UCMA: variants seen among roughly 807,000 people sequenced by gnomAD.
The protein encoded by UCMA is upper zone of growth plate and cartilage matrix associated.
Under a neutral mutation model 21.8 loss-of-function variants are expected in UCMA, and 21 were observed. The observed-to-expected ratio is 0.97, with a 90% CI of 0.68 to 1.39. The LOEUF (loss-of-function observed/expected upper bound fraction) is 1.39, where lower values mean the gene tolerates loss of function less well. Among genes scored for constraint, UCMA ranks in the 40% most tolerant of loss-of-function variants. UCMA has a pLI of 0.00. For synonymous variants in UCMA, 76 were observed against 67.9 expected, an observed-to-expected ratio of 1.12 and a Z score of -0.58; for missense variants, 193 against 178.9, an observed-to-expected ratio of 1.08 and a Z score of -0.45.
At chr10:13,227,907 C>G (rs1314902695) in intron 4 of UCMA, among the ~76,000 whole-genome samples, 2 of 151,858 alleles carry the variant, frequency 1.3e-5, no homozygotes, top group African/African-American at 2.4e-5. Flanking sequence ...AAAGACAGAG[C>G]ATCCTCTACC....
intron 4 of UCMA, among the ~76,000 whole-genome samples, chr10:13,224,953 G>C (rs1397042872): frequency 6.6e-6 from 1 of 152,206 alleles, no homozygotes; most frequent in Non-Finnish European, 1.5e-5. Flanking sequence ...AGCTTTGTGT[G>C]TTCATCTTCA....
chr10:13,226,857 G>T (rs1191247821), intron 4 of UCMA, among the ~76,000 whole-genome samples: 1 of 152,132 alleles, frequency 6.6e-6, no homozygotes, highest in Non-Finnish European at 1.5e-5. Context: ...CCTGCATCCT[G>T]AATTCATCAA....
At chr10:13,229,513 G>GAAA in intron 4 of UCMA, 98 bp downstream of exon 4, 55 of 930,572 alleles carry the variant, frequency 5.9e-5, no homozygotes, top group South Asian at 7.1e-5. Context: ...CTCAAAAAAA[G>GAAA]AAAAAAAAAA....
chr10:13,233,049 C>T (rs1423833530), intron 3 of UCMA, among the ~76,000 whole-genome samples: 1 of 152,176 alleles, frequency 6.6e-6, no homozygotes, highest in African/African-American at 2.4e-5. Context: ...AGCAGCACAG[C>T]TGTCCCCAGA....
At chr10:13,223,640 G>A (rs140431757) in intron 4 of UCMA, among the ~76,000 whole-genome samples, 9,058 of 152,054 alleles carry the variant, frequency 0.06, 354 homozygotes, top group African/African-American at 0.11. Context: ...TGTAACCTCC[G>A]CCTCCCAGGT....
At chr10:13,226,198 ATTTT>A (rs35217195) in intron 4 of UCMA, among the ~76,000 whole-genome samples, 1 of 140,574 alleles carries the variant, frequency 7.1e-6, no homozygotes, top group Non-Finnish European at 1.5e-5. Flanking sequence ...TTTGTTGTGG[ATTTT>A]TTTTTTTTTT....
Position 13,222,155 on chromosome 10 carries a change from C to A in UCMA, c.365G>T (p.Trp122Leu), listed in dbSNP as rs1192895136. The change falls in exon 5 of 5, where the codon TGG becomes TTG. Residue 122 changes from tryptophan to leucine, a missense_variant. Trp to Leu is a moderately conservative substitution (Grantham distance 61). Transcript: ENST00000378681. ...GGATGGGTGCAGGCCGTCATAGTGCCACTGGCGCCACTGCTCCACAGCCTC... is the reference window on the plus strand; with the variant it reads ...GGATGGGTGCAGGCCGTCATAGTGCAACTGGCGCCACTGCTCCACAGCCTC... ...SREAVEQWRQ[W>L]HYDGLHPSYL... The A allele has an allele frequency of 6.2e-7, 1 of 1,613,988 alleles. No individual in the cohort carries two copies. The highest frequency in any genetic ancestry group is 1.3e-5 in the African/African-American group (1 of 74,918).
chr10:13,230,099 C>G (rs546499078), intron 3 of UCMA, among the ~76,000 whole-genome samples: 1 of 152,262 alleles, frequency 6.6e-6, no homozygotes, highest in Non-Finnish European at 1.5e-5. Flanking sequence ...GCTCTTATCA[C>G]GGCCAGGATG....
At chr10:13,233,823 G>A (rs767217617) in intron 1 of UCMA, 23 bp from the exon 2 acceptor site, 1 of 1,613,372 alleles carries the variant, frequency 6.2e-7, no homozygotes. Flanking sequence ...GGCACAGAGT[G>A]AGGCTGCAGC....
intron 3 of UCMA, among the ~76,000 whole-genome samples, chr10:13,230,475 A>T (rs1834883630): frequency 6.6e-6 from 1 of 152,208 alleles, no homozygotes; most frequent in Non-Finnish European, 1.5e-5. Flanking sequence ...ATTTCCCCCA[A>T]CACGAGCTTC....
chr10:13,222,067 A>G lies in UCMA; in HGVS notation c.*36T>C, dbSNP rs770062462. ...GGAACACGGGGATGCCAATGGTGCT[A>G]CAAGCTTTGTCTTCTTGGCCGGCTT... On this transcript the variant is annotated 3_prime_UTR_variant, in exon 5 of 5. Coordinates refer to ENST00000378681, the MANE Select transcript of UCMA (RefSeq NM_145314.3). The G allele has an allele frequency of 3.7e-6, 6 of 1,609,582 alleles. No homozygotes were observed. The South Asian group carries it at 4.4e-5, about 12-fold the overall frequency.
rs963617060 is a variant in UCMA at position 13,223,927 on chromosome 10, A to C, written c.320-1727T>G. 1.1e-4 allele frequency among the ~76,000 whole-genome samples: 16 copies of C among 151,962 alleles called. 1 individual carries two copies. The highest frequency in any genetic ancestry group is 1.5e-5 in the Non-Finnish European group (1 of 68,002). ...TTCCAGGAGGGAGGAATGGCGAGTT[A>C]CTGCTTTATGAATGCAGTTTCTGTA... On this transcript the variant is annotated intron_variant, in intron 4 of 4. Coordinates refer to ENST00000378681, the MANE Select transcript of UCMA (RefSeq NM_145314.3).
Position 13,229,685 on chromosome 10 carries a change from A to C in UCMA, c.245T>G (p.Val82Gly), listed in dbSNP as rs1347235348. Residue 82 changes from valine to glycine, a missense_variant, in exon 4 of 5, where the codon GTT becomes GGT. Physicochemically the swap from Val to Gly is moderately radical, Grantham distance 109. Coordinates refer to ENST00000378681, the MANE Select transcript of UCMA (RefSeq NM_145314.3). ...GTAATATTCTCTCCGCAGCTCATCA[A>C]CCCGAAGCTTCTGCCTGTTTTCCAC... ...VNVENRQKLR[V>G]DELRREYYEE... The C allele has an allele frequency of 1.2e-6, 2 of 1,614,026 alleles. No individual in the cohort carries two copies. The highest frequency in any genetic ancestry group is 1.7e-5 in the Admixed American group (1 of 59,994).
intron 4 of UCMA, among the ~76,000 whole-genome samples, chr10:13,222,451 T>C (rs1193451507): frequency 6.6e-6 from 1 of 152,138 alleles, no homozygotes; most frequent in African/African-American, 2.4e-5. Context: ...CAGGCTCTTC[T>C]GCCTGCCCAG....
chr10:13,231,243 G>T (rs981848373), intron 3 of UCMA, among the ~76,000 whole-genome samples: 1 of 152,110 alleles, frequency 6.6e-6, no homozygotes, highest in South Asian at 2.1e-4. Context: ...CCAAACGTCT[G>T]CCGTGACCTA....
chr10:13,229,569 A>C (rs1834870600), intron 4 of UCMA, 42 bp downstream of exon 4: 2 of 1,557,880 alleles, frequency 1.3e-6, no homozygotes, highest in Non-Finnish European at 1.8e-6. Flanking sequence ...ATTTCTCCCC[A>C]ACGCTCCACC....
At chr10:13,230,385 T>G (rs909576404) in intron 3 of UCMA, among the ~76,000 whole-genome samples, 1 of 152,154 alleles carries the variant, frequency 6.6e-6, no homozygotes, top group Non-Finnish European at 1.5e-5. Flanking sequence ...TAAGACAAGT[T>G]TTACCAAGCA....
At chr10:13,228,124 A>G (rs1476189764) in intron 4 of UCMA, among the ~76,000 whole-genome samples, 2 of 151,336 alleles carry the variant, frequency 1.3e-5, no homozygotes, top group Non-Finnish European at 2.9e-5. Flanking sequence ...CGGTGGTGCA[A>G]TCTTGGCTCA....
intron 4 of UCMA, 40 bp from the exon 5 acceptor site, chr10:13,222,240 ACT>A (rs1177308294): frequency 1.9e-6 from 3 of 1,566,124 alleles, no homozygotes; most frequent in Non-Finnish European, 2.6e-6. Context: ...GGACAGGGGG[ACT>A]CTGACCTGCC....
Sources: allele counts gnomAD v4.1 joint callset (sites outside exome capture counted in the v4.1 genomes callset), GRCh38; gene constraint gnomAD v4.1.1; transcripts MANE v1.5; gene names NCBI Gene and HGNC (gene_info 2026-07-23, HGNC 2026-07-21).